Variants in CAMKK2 observed in about 807,000 individuals in gnomAD.
CAMKK2 encodes the protein calcium/calmodulin dependent protein kinase kinase 2.
In CAMKK2, 30 loss-of-function variants were observed where a neutral mutation model predicts 67.2. The observed-to-expected ratio is 0.45, with a 90% confidence interval of 0.33 to 0.61. CAMKK2 has a LOEUF of 0.61. CAMKK2 is among the 20% of genes least tolerant of loss of function. The pLI is 0.02. For synonymous variants in CAMKK2, 322 were observed against 326.2 expected, an observed-to-expected ratio of 0.99 and a Z score of 0.14; for missense variants, 643 against 802.0, an observed-to-expected ratio of 0.80 and a Z score of 2.39.
At chr12:121,267,022 CTTTTTTTT>C (rs58762246) in intron 5 of CAMKK2, among the ~76,000 whole-genome samples, 3 of 30,766 alleles carry the variant, frequency 9.8e-5, no homozygotes, top group African/African-American at 4.0e-4. Context: ...GTGCTCTGGC[CTTTTTTTT>C]TTTTTTTTTT....
rs541483812 is a variant in CAMKK2 at position 121,280,864 on chromosome 12, G to A, written c.-59-6279C>T. Among the ~76,000 whole-genome samples, 650 of 152,296 alleles carry A rather than the reference G, an allele frequency of 4.3e-3. 2 individuals are homozygous for A. Among genetic ancestry groups the A allele is most frequent in the Non-Finnish European group, 5.3e-3 (362 of 68,038 alleles). On this transcript the variant is annotated intron_variant, in intron 1 of 16. Coordinates refer to ENST00000404169, the MANE Select transcript of CAMKK2 (RefSeq NM_001270485.2). ...GATGTTATCAATGACAATGTTGCCC[G>A]AAACTTCATTAGCAATTTTAATTTC...
chr12:121,295,569 G>A (rs1900975884), intron 1 of CAMKK2, among the ~76,000 whole-genome samples: 1 of 152,158 alleles, frequency 6.6e-6, no homozygotes, highest in African/African-American at 2.4e-5. Context: ...CTAGGGGAGG[G>A]GGAGTGGTAA....
intron 1 of CAMKK2, among the ~76,000 whole-genome samples, chr12:121,286,835 T>C (rs1306785767): frequency 6.6e-6 from 1 of 152,176 alleles, no homozygotes; most frequent in Non-Finnish European, 1.5e-5. Flanking sequence ...ATGCTCACTA[T>C]ATAGAAGCTA....
rs889746010 is a variant in CAMKK2, at chr12:121,296,030, G to A, written c.-60+608C>T. Among the ~76,000 whole-genome samples the A allele has an allele frequency of 2.6e-5, 4 of 152,212 alleles. No homozygotes were observed. The highest frequency in any genetic ancestry group is 2.9e-5 in the Non-Finnish European group (2 of 68,030). ...GCAACCCCGAGGTGAATTTAGGTCA[G>A]AAGGACCAAGCCTGTGAGGCTCCGG... On this transcript the variant is annotated intron_variant, in intron 1 of 16. Coordinates refer to ENST00000404169, the MANE Select transcript of CAMKK2 (RefSeq NM_001270485.2). This position sits in a 1 kb window ranked among gnomAD's most constrained non-coding sequence, Gnocchi z 7.1.
chr12:121,297,318 T>G, upstream of CAMKK2: 1 of 305,520 alleles, frequency 3.3e-6, no homozygotes, highest in South Asian at 2.8e-5. Context: ...CGGCCTGGAC[T>G]TTGGGCCACC....
chr12:121,261,607 G>C (rs1271342470), intron 6 of CAMKK2, among the ~76,000 whole-genome samples: 1 of 152,228 alleles, frequency 6.6e-6, no homozygotes, highest in African/African-American at 2.4e-5. Flanking sequence ...GCCATGCCCT[G>C]TGGGGAAGGC....
intron 1 of CAMKK2, among the ~76,000 whole-genome samples, chr12:121,286,059 G>A (rs1898683382): frequency 6.6e-6 from 1 of 152,190 alleles, no homozygotes; most frequent in Non-Finnish European, 1.5e-5. Context: ...AGCCATGCCT[G>A]AAGCTCATGT....
chr12:121,272,576 C>T (rs1895979613), intron 2 of CAMKK2, among the ~76,000 whole-genome samples: 1 of 151,946 alleles, frequency 6.6e-6, no homozygotes, highest in Non-Finnish European at 1.5e-5. Flanking sequence ...AAAATCAGCC[C>T]CTTTGGCAGT....
Position 121,240,303 on chromosome 12 carries a change from G to C in CAMKK2, c.*396C>G. ...TGCAGCAACCACCTCCATGGCCTCA[G>C]ACCGCCGGAGTTTTCTGCTCGCCTT... is the stretch of plus-strand genomic sequence containing the variant. On this transcript the variant is annotated 3_prime_UTR_variant, in exon 17 of 17. Transcript: ENST00000404169. This position sits in a 1 kb window ranked among gnomAD's most constrained non-coding sequence, Gnocchi z 4.4. 2 of 815,070 alleles carry C rather than the reference G, an allele frequency of 2.5e-6. No individual in the cohort carries two copies. The highest frequency in any genetic ancestry group is 3.8e-6 in the Non-Finnish European group (2 of 531,276). 50.5% of individuals were successfully genotyped at this position (815,070 alleles called of 1,614,324 possible). A position where few individuals can be genotyped will look rare whatever the true frequency, so the allele number is the denominator to read the frequency against.
intron 1 of CAMKK2, among the ~76,000 whole-genome samples, chr12:121,286,672 T>C (rs913774653): frequency 6.6e-6 from 1 of 151,638 alleles, no homozygotes; most frequent in Admixed American, 6.6e-5. Flanking sequence ...GCCCCCCAAG[T>C]AGCTGCAACT....
intron 5 of CAMKK2, among the ~76,000 whole-genome samples, chr12:121,264,463 C>A (rs981607717): frequency 6.6e-5 from 10 of 151,872 alleles, no homozygotes; most frequent in African/African-American, 2.4e-4. Flanking sequence ...ACGGCGAAAC[C>A]CTGACTCTAT....
chr12:121,257,552 C>T (rs1338984127), intron 7 of CAMKK2, among the ~76,000 whole-genome samples: 4 of 151,968 alleles, frequency 2.6e-5, no homozygotes, highest in Non-Finnish European at 1.5e-5. Context: ...AAAATGAAAC[C>T]AAAGGGTTGT....
intron 5 of CAMKK2, among the ~76,000 whole-genome samples, chr12:121,264,665 T>TGG (rs967369757): frequency 6.6e-6 from 1 of 151,888 alleles, no homozygotes; most frequent in African/African-American, 2.4e-5. Context: ...TCCCAGCTAC[T>TGG]GGGGAGGCTG....
chr12:121,291,280 T>A (rs887535334), intron 1 of CAMKK2, among the ~76,000 whole-genome samples: 1 of 152,182 alleles, frequency 6.6e-6, no homozygotes, highest in Non-Finnish European at 1.5e-5. Context: ...CAAAAAAATG[T>A]CTTATGCCAA....
At chr12:121,250,255 GGCTAGA>G (rs1890405282) in intron 11 of CAMKK2, among the ~76,000 whole-genome samples, 1 of 152,084 alleles carries the variant, frequency 6.6e-6, no homozygotes, top group African/African-American at 2.4e-5. Context: ...CCTCTCGAAG[GGCTAGA>G]GCCTTTCCCA....
chr12:121,260,227 G>T, intron 7 of CAMKK2, 92 bp downstream of exon 7: 1 of 1,063,558 alleles, frequency 9.4e-7, no homozygotes, highest in Non-Finnish European at 1.4e-6. Flanking sequence ...TTTGGTGGAA[G>T]GTGCCAGGGC....
chr12:121,293,119 T>C (rs921340949), intron 1 of CAMKK2, among the ~76,000 whole-genome samples: 12 of 151,266 alleles, frequency 7.9e-5, no homozygotes, highest in Non-Finnish European at 1.8e-4. Context: ...CTACTAAAAA[T>C]ACAAAAAATT....
chr12:121,244,505 C>T lies in CAMKK2; in HGVS notation c.1596+68G>A. 4.8e-6 allele frequency: 7 copies of T among 1,454,234 alleles called. No individual in the cohort carries two copies. In the Admixed American group the frequency reaches 1.4e-4, roughly 29 times the overall value. 90.1% of individuals were successfully genotyped at this position (1,454,234 alleles called of 1,614,324 possible). Reference sequence around the variant, plus strand: ...CTGCCCGGGTGGGGATGCCCCCGTGCTCTGCAGCTGCCCACCCGCCCCCCT... The same window carrying T: ...CTGCCCGGGTGGGGATGCCCCCGTGTTCTGCAGCTGCCCACCCGCCCCCCT... On this transcript the variant is annotated intron_variant, in intron 16 of 16. Transcript: ENST00000404169.
intron 11 of CAMKK2, among the ~76,000 whole-genome samples, chr12:121,251,759 G>C (rs1447292113): frequency 6.7e-6 from 1 of 150,156 alleles, no homozygotes; most frequent in Non-Finnish European, 1.5e-5. Flanking sequence ...CCCGGGAGGC[G>C]GAGGTTGCAG....
Sources: allele counts gnomAD v4.1 joint callset (sites outside exome capture counted in the v4.1 genomes callset), GRCh38; gene constraint gnomAD v4.1.1; non-coding constraint Gnocchi (gnomAD v3.1); transcripts MANE v1.5; gene names NCBI Gene and HGNC (gene_info 2026-07-23, HGNC 2026-07-21).